Variants in CLASP2 observed in about 807,000 individuals in gnomAD.
CLASP2 encodes the protein CLIP-associating protein 2.
A neutral mutation model predicts 194.4 loss-of-function variants in CLASP2; 47 were observed. That is an observed-to-expected ratio of 0.24 (90% CI 0.19 to 0.31). The LOEUF (loss-of-function observed/expected upper bound fraction) is 0.31. Ranked by LOEUF, CLASP2 falls within the 10% of genes least tolerant of loss-of-function variation. CLASP2 has a pLI of 1.00. For synonymous variants in CLASP2, 619 were observed against 633.5 expected, an observed-to-expected ratio of 0.98 and a Z score of 0.34; for missense variants, 1,445 against 1,823.6, an observed-to-expected ratio of 0.79 and a Z score of 3.78.
chr3:33,698,212 C>T (rs1351563680), intron 1 of CLASP2, among the ~76,000 whole-genome samples: 1 of 152,120 alleles, frequency 6.6e-6, no homozygotes. Flanking sequence ...GTTTGAAGCT[C>T]CTCAGTGAAG....
intron 30 of CLASP2, 153 bp from the exon 31 acceptor site, chr3:33,544,994 G>T: frequency 4.1e-6 from 2 of 493,200 alleles, no homozygotes; most frequent in Non-Finnish European, 6.5e-6. Context: ...CTGTTTTGCT[G>T]GAAGGATAAA....
intron 9 of CLASP2, among the ~76,000 whole-genome samples, chr3:33,628,769 G>A (rs1355704664): frequency 2.0e-5 from 3 of 152,028 alleles, no homozygotes; most frequent in African/African-American, 7.2e-5. Context: ...GAAGCCAGGG[G>A]TTTGAAGGAG....
intron 1 of CLASP2, among the ~76,000 whole-genome samples, chr3:33,697,743 A>C (rs1251538966): frequency 6.6e-6 from 1 of 152,222 alleles, no homozygotes; most frequent in Non-Finnish European, 1.5e-5. Context: ...CTGGGTCTAC[A>C]AAATCATGAC....
chr3:33,643,422 G>A (rs1559504499), intron 8 of CLASP2, among the ~76,000 whole-genome samples: 1 of 151,818 alleles, frequency 6.6e-6, no homozygotes, highest in East Asian at 1.9e-4. Context: ...CTTTTTACTA[G>A]CGGTAAATAG....
intron 14 of CLASP2, 30 bp from the exon 15 acceptor site, chr3:33,607,491 T>C (rs1258906683): frequency 1.2e-5 from 18 of 1,485,374 alleles, no homozygotes; most frequent in African/African-American, 8.4e-5. Context: ...TTTAGAGTTA[T>C]GATATAGCTG....
At chr3:33,538,038 G>A (rs1278545031) in intron 33 of CLASP2, among the ~76,000 whole-genome samples, 1 of 152,148 alleles carries the variant, frequency 6.6e-6, no homozygotes, top group Non-Finnish European at 1.5e-5. Context: ...CTACTCAGGA[G>A]GCTGAGGCAG....
intron 16 of CLASP2, among the ~76,000 whole-genome samples, chr3:33,605,746 G>C (rs2073675568): frequency 6.6e-6 from 1 of 152,140 alleles, no homozygotes; most frequent in Non-Finnish European, 1.5e-5. Context: ...AGCCTCCCAA[G>C]TAGCTGGGAT....
At chr3:33,570,686 A>T (rs757734046) in intron 26 of CLASP2, 41 bp downstream of exon 26, 55 of 1,575,958 alleles carry the variant, frequency 3.5e-5, no homozygotes, top group Middle Eastern at 2.0e-4. Context: ...TATACAAATG[A>T]TACCCTATAG....
rs569614678 is a variant in CLASP2, at chr3:33,677,055, C to T, written c.644+7304G>A. Among the ~76,000 whole-genome samples, 4 of 152,078 alleles carry T rather than the reference C, an allele frequency of 2.6e-5. No individual in the cohort carries two copies. The South Asian group carries it at 6.2e-4, about 24-fold the overall frequency. ...CAATCATTAAAAAGTCAGGAAACAACAGGTGCTGGAGAGGATGTGGAGAAA... is the reference window on the plus strand; with the variant it reads ...CAATCATTAAAAAGTCAGGAAACAATAGGTGCTGGAGAGGATGTGGAGAAA... On this transcript the variant is annotated intron_variant, in intron 6 of 38. Transcript: ENST00000682230.
At chr3:33,617,669 GAATT>G (rs551022250) in intron 12 of CLASP2, among the ~76,000 whole-genome samples, 29 of 151,354 alleles carry the variant, frequency 1.9e-4, no homozygotes, top group Non-Finnish European at 3.5e-4. Context: ...ATGCAACACA[GAATT>G]AATATCCTTG....
In CLASP2 at chr3:33,626,880, C is replaced by G. The variant is rs952070046; in HGVS notation, c.1035+108G>C. ...AGAAAGAAATGTTACCTATCAGACT[C>G]TCTATTTTATAAGTGAATACCATAT... On this transcript the variant is annotated intron_variant, in intron 10 of 38. Coordinates refer to ENST00000682230, the MANE Select transcript of CLASP2 (RefSeq NM_001365631.1). 14 of 633,512 alleles carry G rather than the reference C, an allele frequency of 2.2e-5. No homozygotes were observed. In the Middle Eastern group the frequency reaches 1.7e-3, roughly 76 times the overall value. The allele number at this position is 633,512 out of a possible 1,614,324, so 39.2% of individuals were successfully genotyped here.
At chr3:33,572,029 G>T (rs189601523) in intron 25 of CLASP2, among the ~76,000 whole-genome samples, 1 of 152,144 alleles carries the variant, frequency 6.6e-6, no homozygotes, top group Non-Finnish European at 1.5e-5. Flanking sequence ...CCCAATACAT[G>T]AATTTTATCC....
chr3:33,661,632 G>T (rs549490784), intron 7 of CLASP2, among the ~76,000 whole-genome samples: 1 of 152,150 alleles, frequency 6.6e-6, no homozygotes, highest in Non-Finnish European at 1.5e-5. Flanking sequence ...AAAGATAACA[G>T]GGTTTCATTT....
Position 33,622,241 on chromosome 3 carries a change from G to A in CLASP2, c.1075C>T (p.Gln359Ter). Reference sequence around the variant, plus strand: ...AAATGTTGAAAAAAGCAATCATACTGTGCAGCTCCAGCAACAAGCAGTGAT... The same window carrying A: ...AAATGTTGAAAAAAGCAATCATACTATGCAGCTCCAGCAACAAGCAGTGAT... ...IRSLLVAGAA[Q>*]YDCFFQHLRL... Residue 359 changes from glutamine to a stop codon, truncating the protein, a stop_gained, in exon 11 of 39, where the codon CAG (glutamine) becomes TAG (stop). Transcript: ENST00000682230. LOFTEE classifies it high-confidence loss of function. The A allele has an allele frequency of 6.4e-7, 1 of 1,560,080 alleles. No individual in the cohort carries two copies. Among genetic ancestry groups the A allele is most frequent in the Non-Finnish European group, 8.7e-7 (1 of 1,153,394 alleles).
At chr3:33,692,417 TAAAC>T (rs750189575) in intron 2 of CLASP2, among the ~76,000 whole-genome samples, 10 of 152,160 alleles carry the variant, frequency 6.6e-5, no homozygotes, top group South Asian at 2.1e-4. Flanking sequence ...TTACGAAACA[TAAAC>T]AAAAACAAAA....
chr3:33,600,636 C>T (rs2071820960), intron 18 of CLASP2, among the ~76,000 whole-genome samples: 1 of 152,134 alleles, frequency 6.6e-6, no homozygotes, highest in African/African-American at 2.4e-5. Flanking sequence ...ATATATCACA[C>T]CAGTCCTTCT....
Position 33,689,784 on chromosome 3 carries a change from T to C in CLASP2, c.378+45A>G, listed in dbSNP as rs1575607302. The stretch of plus-strand genomic sequence containing the variant: ...GCTTGCTGTGGCTTTAATGATTTCC[T>C]GTGATTACCATTAGCAAAATCTGAA... On this transcript the variant is annotated intron_variant, in intron 3 of 38. Coordinates refer to ENST00000682230, the MANE Select transcript of CLASP2 (RefSeq NM_001365631.1). 8.2e-6 allele frequency: 11 copies of C among 1,345,778 alleles called. No individual in the cohort carries two copies. In the East Asian group the frequency reaches 2.8e-4, roughly 34 times the overall value. The allele number at this position is 1,345,778 out of a possible 1,614,324, so 83.4% of individuals were successfully genotyped here.
At position 33,501,291 on chromosome 3, in the gene CLASP2, A is replaced by AAT. The variant is rs757096819; in HGVS notation, c.4434+359_4434+360dup. On this transcript the variant is annotated intron_variant, in intron 38 of 38. Coordinates refer to ENST00000682230, the MANE Select transcript of CLASP2 (RefSeq NM_001365631.1). Reference sequence around the variant, plus strand: ...TTGGAGAGATATACAGTAATCCATTAATATATATAACCACAACAGTCTATT... The same window carrying AAT: ...TTGGAGAGATATACAGTAATCCATTAATATATATATAACCACAACAGTCTATT... Among the ~76,000 whole-genome samples the AAT allele has an allele frequency of 9.2e-5, 14 of 152,196 alleles. No homozygotes were observed. The East Asian group carries it at 1.2e-3, about 13-fold the overall frequency.
Position 33,544,738 on chromosome 3 carries a change from A to C in CLASP2, c.3257T>G (p.Leu1086Arg), listed in dbSNP as rs777854408. ...PKTFQDGATK[L>R]LHNHLRNTGN... Reference sequence around the variant, plus strand: ...AGTGTTTCGAAGGTGATTATGAAGAAGCTTGGTAGCACCATCCTGAAAAGT... The same window carrying C: ...AGTGTTTCGAAGGTGATTATGAAGACGCTTGGTAGCACCATCCTGAAAAGT... Residue 1086 changes from leucine to arginine, a missense_variant, in exon 31 of 39, where the codon CTT becomes CGT. Around this residue, in one of 4 missense-constraint regions of CLASP2, gnomAD observed 732 missense variants for 987.9 expected, o/e 0.74. Coordinates refer to ENST00000682230, the MANE Select transcript of CLASP2 (RefSeq NM_001365631.1). 1.2e-5 allele frequency: 20 copies of C among 1,613,456 alleles called. No homozygotes were observed. In the South Asian group the frequency reaches 2.2e-4, roughly 18 times the overall value.
Sources: allele counts gnomAD v4.1 joint callset (sites outside exome capture counted in the v4.1 genomes callset), GRCh38; gene constraint gnomAD v4.1.1; regional missense constraint gnomAD v4.1.1; transcripts MANE v1.5; gene names NCBI Gene and HGNC (gene_info 2026-07-23, HGNC 2026-07-21).